Variants in CTDP1 observed in about 807,000 individuals in gnomAD.
The protein encoded by CTDP1 is RNA polymerase II subunit A C-terminal domain phosphatase.
A neutral mutation model predicts 91.8 loss-of-function variants in CTDP1; 47 were observed. The observed-to-expected ratio is 0.51, with a 90% CI of 0.41 to 0.65. CTDP1 has a LOEUF of 0.65. Ranked by LOEUF, CTDP1 falls within the 30% of genes least tolerant of loss-of-function variation. The pLI is 0.00. For missense variants in CTDP1, 1,272 were observed against 1,373.7 expected (o/e 0.93, Z 1.17); for synonymous variants, 656 against 598.5 (o/e 1.10, Z -1.40).
chr18:79,732,229 T>C, intron 11 of CTDP1, among the ~76,000 whole-genome samples: 1 of 130,622 alleles, frequency 7.7e-6, no homozygotes, highest in East Asian at 2.3e-4. Flanking sequence ...CACATGAGAC[T>C]TGAGAACTCA....
intron 10 of CTDP1, among the ~76,000 whole-genome samples, chr18:79,726,440 G>A (rs975412723): frequency 2.0e-5 from 3 of 152,026 alleles, no homozygotes; most frequent in East Asian, 1.9e-4. Flanking sequence ...GTGAATTTTA[G>A]CATCTCTGCC....
chr18:79,718,449 G>C (rs1008843435), intron 10 of CTDP1, among the ~76,000 whole-genome samples: 5 of 152,316 alleles, frequency 3.3e-5, no homozygotes, highest in South Asian at 4.1e-4. Flanking sequence ...TTTCCACACA[G>C]AGCAGATGCA....
intron 1 of CTDP1, among the ~76,000 whole-genome samples, chr18:79,682,322 A>G (rs2085390668): frequency 6.6e-6 from 1 of 152,208 alleles, no homozygotes; most frequent in Non-Finnish European, 1.5e-5. Flanking sequence ...GATTTTGTGA[A>G]CAGGGTGGGT....
intron 8 of CTDP1, among the ~76,000 whole-genome samples, chr18:79,716,545 TTC>T (rs1247684930): frequency 1.3e-5 from 2 of 152,144 alleles, no homozygotes; most frequent in Non-Finnish European, 2.9e-5. Flanking sequence ...AGTCAGACCC[TTC>T]TCTCCTGAGC....
Position 79,727,388 on chromosome 18 carries a change from C to A in CTDP1, c.2418-1519C>A, listed in dbSNP as rs369689248. Among the ~76,000 whole-genome samples the A allele has an allele frequency of 2.9e-4, 44 of 151,006 alleles. No homozygotes were observed. In the East Asian group the frequency reaches 2.9e-3, roughly 10 times the overall value. On this transcript the variant is annotated intron_variant, in intron 10 of 12. Transcript: ENST00000613122. Reference sequence around the variant, plus strand: ...GGCGTTCACGGGATGGAAAGCGCAGCGTTCACGGTGTTCACGGGATGGGAA... The same window carrying A: ...GGCGTTCACGGGATGGAAAGCGCAGAGTTCACGGTGTTCACGGGATGGGAA...
rs1419151079 is a variant in CTDP1, at chr18:79,705,643, C to T, written c.772+726C>T. Among the ~76,000 whole-genome samples the T allele has an allele frequency of 1.5e-4, 23 of 152,042 alleles. 1 individual carries two copies. Among genetic ancestry groups the T allele is most frequent in the Admixed American group, 1.5e-3 (23 of 15,262 alleles). ...AAGCGAGGGGGCTGCCACGGGACGGCGACCGTCTGTCCCACATGGATGTAG... is the reference window on the plus strand; with the variant it reads ...AAGCGAGGGGGCTGCCACGGGACGGTGACCGTCTGTCCCACATGGATGTAG... On this transcript the variant is annotated intron_variant, in intron 5 of 12. Transcript: ENST00000613122.
Position 79,697,898 on chromosome 18 carries a change from G to A in CTDP1, c.531G>A (p.Leu177=), listed in dbSNP as rs748110892. Residue 177 remains leucine (L), a synonymous_variant, in exon 4 of 13, where the codon CTG becomes CTA. Coordinates refer to ENST00000613122, the MANE Select transcript of CTDP1 (RefSeq NM_004715.5). ...EQLGREDQQR[L]HRNRKLVLMV... is the part of the protein sequence containing the mutation. ...TGGGAAGAGAAGACCAGCAGCGACT[G>A]CACCGAAACCGGAAGCTGGTGCTCA... The A allele has an allele frequency of 6.2e-7, 1 of 1,614,252 alleles. No homozygotes were observed. The highest frequency in any genetic ancestry group is 8.5e-7 in the Non-Finnish European group (1 of 1,180,044).
At chr18:79,755,465 A>T (rs557186873), downstream of CTDP1, 1 of 152,268 alleles carries the variant, frequency 6.6e-6, no homozygotes, top group Non-Finnish European at 1.5e-5. Flanking sequence ...TAGATGTACA[A>T]GTTGATACCC....
At chr18:79,679,265 A>G (rs1236720326), upstream of CTDP1, 3 of 385,598 alleles carry the variant, frequency 7.8e-6, no homozygotes, top group Admixed American at 2.8e-5. Context: ...GCAACCCCCA[A>G]GCTCCCGCGG....
In CTDP1 at chr18:79,699,240, G is replaced by A. The variant is rs143407011; in HGVS notation, c.621+1252G>A. ...TTTTCAGATTGCTTCGTTCATACCC[G>A]CTACTCTACTCACTAAGGTTTTTTG... On this transcript the variant is annotated intron_variant, in intron 4 of 12. Transcript: ENST00000613122. Among the ~76,000 whole-genome samples the A allele has an allele frequency of 1.2e-4, 18 of 152,092 alleles. No homozygotes were observed. The East Asian group carries it at 2.7e-3, about 23-fold the overall frequency.
intron 4 of CTDP1, among the ~76,000 whole-genome samples, chr18:79,699,189 T>C (rs1308827644): frequency 6.6e-6 from 1 of 152,234 alleles, no homozygotes; most frequent in Non-Finnish European, 1.5e-5. Context: ...TCTATTCTTC[T>C]GTGCAGTATA....
intron 10 of CTDP1, among the ~76,000 whole-genome samples, chr18:79,723,880 G>A (rs1157728269): frequency 6.6e-6 from 1 of 152,180 alleles, no homozygotes; most frequent in Admixed American, 6.5e-5. Context: ...TCTGGAGTTG[G>A]CCCTCCTCCC....
Position 79,728,933 on chromosome 18 carries a change from T to C in CTDP1, c.2444T>C (p.Met815Thr). Reference sequence around the variant, plus strand: ...GCGGTTCCGCCACCCCAGCCGCAGATGTTTGGTGAAGAGCTGCCTGACGCT... The same window carrying C: ...GCGGTTCCGCCACCCCAGCCGCAGACGTTTGGTGAAGAGCTGCCTGACGCT... Reference protein sequence around the residue: ...FRAVPPPQPQMFGEELPDAQD... With the variant: ...FRAVPPPQPQTFGEELPDAQD... Residue 815 changes from methionine to threonine, a missense_variant, in exon 11 of 13, where the codon ATG (methionine) becomes ACG (threonine). Transcript: ENST00000613122. 6.2e-7 allele frequency: 1 copy of C among 1,614,076 alleles called. No individual in the cohort carries two copies. The highest frequency in any genetic ancestry group is 8.5e-7 in the Non-Finnish European group (1 of 1,179,992).
intron 4 of CTDP1, among the ~76,000 whole-genome samples, chr18:79,701,798 A>G (rs1366078880): frequency 6.6e-6 from 1 of 152,282 alleles, no homozygotes; most frequent in East Asian, 1.9e-4. Flanking sequence ...TCTGACCTTC[A>G]TGGATGACTT....
At position 79,753,611 on chromosome 18, in the gene CTDP1, G is replaced by A. The variant is rs112846374; in HGVS notation, c.2748-41G>A. 6.7e-4 allele frequency: 1,078 copies of A among 1,613,940 alleles called. 9 individuals are homozygous for A. In the African/African-American group the frequency reaches 0.012, roughly 18 times the overall value. On this transcript the variant is annotated intron_variant, in intron 12 of 12. Transcript: ENST00000613122. ...ACCAGGCGGTGACCCGGCGTTGTGC[G>A]TTTGCCACAAGCATCTCACACCATG...
intron 2 of CTDP1, 79 bp from the exon 3 acceptor site, chr18:79,695,898 A>G: frequency 8.8e-7 from 1 of 1,142,526 alleles, no homozygotes; most frequent in Non-Finnish European, 1.3e-6. Flanking sequence ...ATCAGCTAGA[A>G]TCCTGTCACT....
In CTDP1 at chr18:79,715,030, C is replaced by G. The variant is rs528124657; in HGVS notation, c.1570C>G (p.Pro524Ala). The G allele has an allele frequency of 4.4e-6, 7 of 1,604,802 alleles. No homozygotes were observed. The East Asian group carries it at 1.6e-4, about 36-fold the overall frequency. The change falls in exon 8 of 13, where the codon CCG becomes GCG. Residue 524 changes from proline to alanine, a missense_variant. Pro to Ala is a conservative substitution (Grantham distance 27, BLOSUM62 -1). Coordinates refer to ENST00000613122, the MANE Select transcript of CTDP1 (RefSeq NM_004715.5). The stretch of plus-strand genomic sequence containing the variant: ...AGAGGCCGAGCCTGGCGCGCATGCC[C>G]CGGACAAGGAGCCTGAGCTGGGTGG... ...PGEAEPGAHA[P>A]DKEPELGGQE...
intron 12 of CTDP1, among the ~76,000 whole-genome samples, chr18:79,738,002 C>T (rs2086699934): frequency 7.0e-6 from 1 of 143,352 alleles, no homozygotes; most frequent in South Asian, 2.1e-4. Flanking sequence ...ACTCCCCCGG[C>T]CTCCCCCGCA....
At chr18:79,728,582 C>A (rs920595719) in intron 10 of CTDP1, among the ~76,000 whole-genome samples, 15 of 150,648 alleles carry the variant, frequency 1.0e-4, no homozygotes, top group South Asian at 4.2e-4. Flanking sequence ...CTTCATCTCC[C>A]GTCTCTCTTT....
Sources: allele counts gnomAD v4.1 joint callset (sites outside exome capture counted in the v4.1 genomes callset), GRCh38; gene constraint gnomAD v4.1.1; transcripts MANE v1.5; gene names NCBI Gene and HGNC (gene_info 2026-07-23, HGNC 2026-07-21).